RBFOX3: variants seen among roughly 807,000 people sequenced by gnomAD.
RBFOX3 encodes the protein RNA binding protein fox-1 homolog 3.
A neutral mutation model predicts 48.7 loss-of-function variants in RBFOX3; 17 were observed. The ratio of observed to expected loss-of-function variants is 0.35; its 90% CI spans 0.24 to 0.52. The LOEUF (loss-of-function observed/expected upper bound fraction) is 0.52. Ranked by LOEUF, RBFOX3 falls within the 20% of genes least tolerant of loss-of-function variation. The probability of loss-of-function intolerance (pLI) is 0.94; values close to 1 mark genes in which losing one functional copy is unlikely to be tolerated. For synonymous variants in RBFOX3, 212 were observed against 209.5 expected (o/e 1.01, Z -0.10); for missense variants, 382 against 497.5 (o/e 0.77, Z 2.21).
intron 1 of RBFOX3, among the ~76,000 whole-genome samples, chr17:79,484,050 G>C (rs2079162127): frequency 6.6e-6 from 1 of 152,200 alleles, no homozygotes; most frequent in Non-Finnish European, 1.5e-5. Flanking sequence ...GATCCACTCT[G>C]ATTAGCCTGA....
At chr17:79,330,676 C>T (rs888448574) in intron 2 of RBFOX3, among the ~76,000 whole-genome samples, 11 of 152,160 alleles carry the variant, frequency 7.2e-5, no homozygotes, top group Non-Finnish European at 1.3e-4. Context: ...AATCCAGCCC[C>T]ACGGCCACCA....
chr17:79,205,940 T>C lies in RBFOX3; in HGVS notation c.-34+29826A>G, dbSNP rs940580347. Among the ~76,000 whole-genome samples the C allele has an allele frequency of 3.9e-5, 6 of 152,140 alleles. No homozygotes were observed. Among genetic ancestry groups the C allele is most frequent in the Non-Finnish European group, 7.3e-5 (5 of 68,034 alleles). ...AGGCTGCAATCATTCTCTTGCTCTT[T>C]TCCACAATATAGTCTGCAGGGACCT... On this transcript the variant is annotated intron_variant, in intron 4 of 14. Transcript: ENST00000693108. The surrounding 1 kb of genome is among the most constrained non-coding windows in gnomAD (Gnocchi z 4.5).
At position 79,220,052 on chromosome 17, in the gene RBFOX3, G is replaced by T. The variant is rs2059534714; in HGVS notation, c.-34+15714C>A. On this transcript the variant is annotated intron_variant, in intron 4 of 14. Coordinates refer to ENST00000693108, the MANE Select transcript of RBFOX3 (RefSeq NM_001350451.2). This position sits in a 1 kb window ranked among gnomAD's most constrained non-coding sequence, Gnocchi z 5.9. ...GGCACCCCTGCCTGCTGGGCCCTGG[G>T]GGAAGGGTGGCATGGCCTGGGAAGG... Among the ~76,000 whole-genome samples the T allele has an allele frequency of 6.6e-6, 1 of 151,526 alleles. No homozygotes were observed. The highest frequency in any genetic ancestry group is 2.1e-4 in the South Asian group (1 of 4,760).
intron 2 of RBFOX3, among the ~76,000 whole-genome samples, chr17:79,373,056 G>A (rs534682930): frequency 1.2e-4 from 18 of 152,304 alleles, no homozygotes; most frequent in African/African-American, 3.4e-4. Context: ...GGAAGCTCAC[G>A]TCGCCTCTCA....
chr17:79,149,708 G>A (rs899245514), intron 4 of RBFOX3, among the ~76,000 whole-genome samples: 24 of 151,736 alleles, frequency 1.6e-4, no homozygotes, highest in African/African-American at 4.1e-4. Flanking sequence ...TCACTTTGTC[G>A]GACCCAAGAC....
At chr17:79,280,150 TGCACACACACAC>T (rs1567968086) in intron 3 of RBFOX3, among the ~76,000 whole-genome samples, 2 of 107,516 alleles carry the variant, frequency 1.9e-5, no homozygotes, top group African/African-American at 3.9e-5. Context: ...CACATGTGCG[TGCACACACACAC>T]GCACACACCA....
intron 2 of RBFOX3, among the ~76,000 whole-genome samples, chr17:79,330,431 G>C (rs1341569462): frequency 6.8e-6 from 1 of 147,516 alleles, no homozygotes; most frequent in Non-Finnish European, 1.5e-5. Context: ...CCCCTCCACC[G>C]AGCACAACGA....
At chr17:79,548,592 T>G (rs1242415491) in intron 1 of RBFOX3, among the ~76,000 whole-genome samples, 1 of 152,244 alleles carries the variant, frequency 6.6e-6, no homozygotes, top group East Asian at 1.9e-4. Context: ...CAGCATCAGA[T>G]GCTGGAGAGG....
intron 2 of RBFOX3, among the ~76,000 whole-genome samples, chr17:79,384,088 G>A (rs1450052110): frequency 4.6e-5 from 7 of 152,190 alleles, no homozygotes; most frequent in Admixed American, 4.6e-4. Flanking sequence ...CATGCCCACA[G>A]CAAGGAGAGG....
In RBFOX3 at chr17:79,331,217, C is replaced by G. The variant is rs142698203; in HGVS notation, c.-174-23393G>C. On this transcript the variant is annotated intron_variant, in intron 2 of 14. Transcript: ENST00000693108. ...TCATGGACTTCAAGCCCTGCTGTCCCTTCGGCCACCATCTCCCATGCTCAG... is the reference window on the plus strand; with the variant it reads ...TCATGGACTTCAAGCCCTGCTGTCCGTTCGGCCACCATCTCCCATGCTCAG... Among the ~76,000 whole-genome samples the G allele has an allele frequency of 5.8e-3, 887 of 152,322 alleles. 6 individuals are homozygous for G. Among genetic ancestry groups the G allele is most frequent in the Non-Finnish European group, 0.011 (738 of 68,034 alleles).
chr17:79,224,021 C>T (rs1043894009), intron 4 of RBFOX3, among the ~76,000 whole-genome samples: 26 of 152,080 alleles, frequency 1.7e-4, no homozygotes, highest in Admixed American at 2.6e-4. Flanking sequence ...GCTTGAATGC[C>T]GCCTCCTGCA....
chr17:79,483,382 T>A (rs1199467948), intron 1 of RBFOX3, among the ~76,000 whole-genome samples: 6 of 149,218 alleles, frequency 4.0e-5, no homozygotes, highest in African/African-American at 1.2e-4. Context: ...ACCCCACCCC[T>A]GCACCACACC....
chr17:79,106,549 A>C lies in RBFOX3; in HGVS notation c.360+102T>G, dbSNP rs531529352. On this transcript the variant is annotated intron_variant, in intron 6 of 14. Coordinates refer to ENST00000693108, the MANE Select transcript of RBFOX3 (RefSeq NM_001350451.2). ...CTCCCTGCGCAGTGGGAGGCAGGAA[A>C]CCCGGGGGAACAGGTGTCGGCAGGA... 48 of 1,346,210 alleles carry C rather than the reference A, an allele frequency of 3.6e-5. 1 individual carries two copies. The South Asian group carries it at 8.5e-4, about 24-fold the overall frequency. 83.4% of individuals were successfully genotyped at this position (1,346,210 alleles called of 1,614,324 possible).
At chr17:79,165,128 C>T (rs1002227375) in intron 4 of RBFOX3, among the ~76,000 whole-genome samples, 2 of 152,006 alleles carry the variant, frequency 1.3e-5, no homozygotes, top group African/African-American at 2.4e-5. Flanking sequence ...GGATGAGAGG[C>T]GGGAGACATG....
chr17:79,266,017 A>G (rs1292962863), intron 3 of RBFOX3, among the ~76,000 whole-genome samples: 1 of 152,228 alleles, frequency 6.6e-6, no homozygotes, highest in Non-Finnish European at 1.5e-5. Flanking sequence ...CCTAGACCAG[A>G]GCTGACTTTT....
chr17:79,264,968 G>A (rs1049439414), intron 3 of RBFOX3, among the ~76,000 whole-genome samples: 1 of 151,296 alleles, frequency 6.6e-6, no homozygotes, highest in Non-Finnish European at 1.5e-5. Flanking sequence ...CGAGAGGAGG[G>A]GGGGGGGGCG....
In RBFOX3 at chr17:79,149,972, T is replaced by C. The variant is rs1256048666; in HGVS notation, c.-33-34224A>G. ...CCAGGGTGGGGATGGGGATGGGGGC[T>C]GAGGGTGGGGATGGGGATGGGGGTG... is the stretch of plus-strand genomic sequence containing the variant. On this transcript the variant is annotated intron_variant, in intron 4 of 14. Coordinates refer to ENST00000693108, the MANE Select transcript of RBFOX3 (RefSeq NM_001350451.2). 1.3e-3 allele frequency among the ~76,000 whole-genome samples: 63 copies of C among 48,910 alleles called. 1 individual carries two copies. Among genetic ancestry groups the C allele is most frequent in the African/African-American group, 3.8e-3 (56 of 14,882 alleles). The allele number at this position is 48,910 out of a possible 152,430, so 32.1% of individuals were successfully genotyped here. A position where few individuals can be genotyped will look rare whatever the true frequency, so the allele number is the denominator to read the frequency against.
rs567369404 is a variant in RBFOX3, at chr17:79,364,630, G to A, written c.-174-56806C>T. ...GGATGAGGGTGTGCTGGTGGGTGAC[G>A]GGGAGCGGGCGTGAGCAGGTCGGAT... On this transcript the variant is annotated intron_variant, in intron 2 of 14. Transcript: ENST00000693108. This position sits in a 1 kb window ranked among gnomAD's most constrained non-coding sequence, Gnocchi z 5.1. Among the ~76,000 whole-genome samples, 3 of 152,324 alleles carry A rather than the reference G, an allele frequency of 2.0e-5. No individual in the cohort carries two copies. The highest frequency in any genetic ancestry group is 2.1e-4 in the South Asian group (1 of 4,834).
chr17:79,310,147 A>G (rs1415793717), intron 2 of RBFOX3, among the ~76,000 whole-genome samples: 1 of 151,940 alleles, frequency 6.6e-6, no homozygotes, highest in Non-Finnish European at 1.5e-5. Flanking sequence ...CGGTGTTCCA[A>G]CTCCTATTTG....
Sources: allele counts gnomAD v4.1 joint callset (sites outside exome capture counted in the v4.1 genomes callset), GRCh38; gene constraint gnomAD v4.1.1; non-coding constraint Gnocchi (gnomAD v3.1); transcripts MANE v1.5; gene names NCBI Gene and HGNC (gene_info 2026-07-23, HGNC 2026-07-21).